The following MORC1 variants were observed in gnomAD, a reference collection of about 807,000 sequenced individuals.
The protein encoded by MORC1 is MORC family CW-type zinc finger 1, also known as MORC family CW-type zinc finger protein 1.
Under a neutral mutation model 134.9 loss-of-function variants are expected in MORC1, and 59 were observed. The ratio of observed to expected loss-of-function variants is 0.44; its 90% confidence interval spans 0.35 to 0.54. The LOEUF (loss-of-function observed/expected upper bound fraction) is 0.54, where lower values mean the gene tolerates loss of function less well. Ranked by LOEUF, MORC1 falls within the 20% of genes least tolerant of loss-of-function variation. The pLI, the probability that MORC1 is intolerant of heterozygous loss-of-function variation, is 0.00. For synonymous variants in MORC1, 395 were observed against 391.7 expected, an observed-to-expected ratio of 1.01 and a Z score of -0.10; for missense variants, 947 against 1,134.5, an observed-to-expected ratio of 0.83 and a Z score of 2.37.
At chr3:108,995,138 C>G (rs1354246646) in intron 21 of MORC1, among the ~76,000 whole-genome samples, 1 of 152,140 alleles carries the variant, frequency 6.6e-6, no homozygotes, top group Non-Finnish European at 1.5e-5. Flanking sequence ...AGTTGAACTG[C>G]CAGTTTATCA....
chr3:108,977,033 A>C (rs1257297054), intron 24 of MORC1, among the ~76,000 whole-genome samples: 2 of 152,214 alleles, frequency 1.3e-5, no homozygotes, highest in Non-Finnish European at 2.9e-5. Context: ...AAAGAAATTT[A>C]AGTAGCTATG....
At chr3:108,983,173 A>G (rs540383437) in intron 23 of MORC1, among the ~76,000 whole-genome samples, 2 of 152,306 alleles carry the variant, frequency 1.3e-5, no homozygotes, top group East Asian at 1.9e-4. Flanking sequence ...TTCTAAGTCA[A>G]AGTATTGGCC....
At chr3:109,070,683 A>G (rs998663460) in intron 8 of MORC1, among the ~76,000 whole-genome samples, 2 of 152,194 alleles carry the variant, frequency 1.3e-5, no homozygotes, top group Non-Finnish European at 2.9e-5. Flanking sequence ...TGGGAAAAAA[A>G]AAAATGTGAA....
intron 7 of MORC1, among the ~76,000 whole-genome samples, chr3:109,094,174 A>T (rs1186294695): frequency 6.6e-6 from 1 of 152,206 alleles, no homozygotes; most frequent in East Asian, 1.9e-4. Context: ...ATGGGGCCAC[A>T]TTTGACCCGA....
At chr3:108,987,836 G>A (rs976414898) in intron 21 of MORC1, among the ~76,000 whole-genome samples, 8 of 151,920 alleles carry the variant, frequency 5.3e-5, no homozygotes, top group Non-Finnish European at 1.2e-4. Flanking sequence ...CTCCCTCTAT[G>A]TATTTTGTAA....
At chr3:109,043,741 G>C (rs1949615861) in intron 14 of MORC1, among the ~76,000 whole-genome samples, 1 of 152,134 alleles carries the variant, frequency 6.6e-6, no homozygotes, top group Admixed American at 6.5e-5. Context: ...TCTTCAACTT[G>C]TAGGTCGGCA....
In MORC1 at chr3:109,069,640, G is replaced by A. The variant is rs749633504; in HGVS notation, c.807C>T (p.Tyr269=). The part of the protein sequence containing the change: ...VKTKHLCYCL[Y]RPRKYLYVTS... ...GAAGAAAGATGAGTTACCTGGGTCT[G>A]TAGAGGCAATAGCAAAGATGTTTAG... Residue 269 remains tyrosine (Y), a synonymous_variant, in exon 9 of 28, where the codon TAC becomes TAT. Transcript: ENST00000232603. The A allele has an allele frequency of 1.3e-6, 2 of 1,599,450 alleles. No homozygotes were observed. Among genetic ancestry groups the A allele is most frequent in the South Asian group, 1.1e-5 (1 of 88,590 alleles).
At chr3:109,103,758 G>T in intron 4 of MORC1, 91 bp downstream of exon 4, 2 of 1,238,656 alleles carry the variant, frequency 1.6e-6, no homozygotes, top group Non-Finnish European at 2.3e-6. Flanking sequence ...CTCCATACCT[G>T]TTTTTGCATA....
At chr3:108,998,042 T>C (rs748967627) in intron 21 of MORC1, among the ~76,000 whole-genome samples, 1 of 152,200 alleles carries the variant, frequency 6.6e-6, no homozygotes, top group Non-Finnish European at 1.5e-5. Context: ...TTTAGTATTA[T>C]AGTTGCATTG....
intron 8 of MORC1, among the ~76,000 whole-genome samples, chr3:109,082,262 A>C (rs1182751838): frequency 6.6e-6 from 1 of 151,756 alleles, no homozygotes; most frequent in Non-Finnish European, 1.5e-5. Context: ...AAAAAAAAAA[A>C]ACCACCAGGT....
intron 8 of MORC1, among the ~76,000 whole-genome samples, chr3:109,084,845 C>T (rs1202196534): frequency 1.3e-5 from 2 of 151,980 alleles, no homozygotes; most frequent in African/African-American, 2.4e-5. Context: ...TAAATCCACA[C>T]ATTTATAGCC....
chr3:109,009,828 C>T (rs1948640705), intron 17 of MORC1, among the ~76,000 whole-genome samples: 1 of 152,088 alleles, frequency 6.6e-6, no homozygotes, highest in African/African-American at 2.4e-5. Context: ...AAACACGTAG[C>T]TTCAAGTTTT....
At chr3:108,964,427 G>C (rs1411598014) in intron 26 of MORC1, among the ~76,000 whole-genome samples, 1 of 152,168 alleles carries the variant, frequency 6.6e-6, no homozygotes, top group Non-Finnish European at 1.5e-5. Context: ...GGGTTGCCAA[G>C]AAAGTTGTAA....
intron 21 of MORC1, among the ~76,000 whole-genome samples, chr3:108,988,476 T>C (rs1262179709): frequency 6.6e-6 from 1 of 152,146 alleles, no homozygotes; most frequent in South Asian, 2.1e-4. Context: ...CTGATTAACA[T>C]AAAATTTAAA....
At chr3:109,064,865 T>C (rs1468845191) in intron 9 of MORC1, among the ~76,000 whole-genome samples, 6 of 152,130 alleles carry the variant, frequency 3.9e-5, no homozygotes, top group Non-Finnish European at 8.8e-5. Flanking sequence ...GTGCCTACTA[T>C]GATATGAAGA....
chr3:109,006,135 C>A (rs1318486625), intron 18 of MORC1, among the ~76,000 whole-genome samples: 2 of 152,190 alleles, frequency 1.3e-5, no homozygotes, highest in Non-Finnish European at 1.5e-5. Context: ...CCAGAAGAAT[C>A]CCTTTCTTCA....
At chr3:109,040,423 GGAAGGAAAGAAAGAAAGAAAGAAAGAAA>G (rs1394934390) in intron 14 of MORC1, among the ~76,000 whole-genome samples, 1 of 30,990 alleles carries the variant, frequency 3.2e-5, no homozygotes, top group African/African-American at 8.6e-5. Flanking sequence ...AAGGAAGGAA[GGAAGGAAAGAAAGAAAGAAAGAAAGAAA>G]GAAAGAAAGA....
intron 21 of MORC1, among the ~76,000 whole-genome samples, chr3:108,999,511 T>G (rs1213990072): frequency 6.6e-6 from 1 of 152,204 alleles, no homozygotes; most frequent in Non-Finnish European, 1.5e-5. Flanking sequence ...TGACAATAAC[T>G]TTCTGGTGAA....
chr3:109,103,027 C>T (rs1196817322), intron 4 of MORC1, among the ~76,000 whole-genome samples: 1 of 151,318 alleles, frequency 6.6e-6, no homozygotes, highest in Non-Finnish European at 1.5e-5. Context: ...AAGATATTTG[C>T]CATACCTCAT....
Sources: allele counts gnomAD v4.1 joint callset (sites outside exome capture counted in the v4.1 genomes callset), GRCh38; gene constraint gnomAD v4.1.1; transcripts MANE v1.5; gene names NCBI Gene and HGNC (gene_info 2026-07-23, HGNC 2026-07-21).